The following DNAH11 variants were observed in gnomAD, a reference collection of about 807,000 sequenced individuals.
DNAH11 encodes dynein axonemal heavy chain 11, also known as axonemal beta dynein heavy chain 11.
Under a neutral mutation model 526.0 loss-of-function variants are expected in DNAH11, and 442 were observed. The observed-to-expected ratio is 0.84, with a 90% confidence interval of 0.78 to 0.91. The LOEUF (loss-of-function observed/expected upper bound fraction) is 0.91. Among genes scored for constraint, DNAH11 ranks in the 40% least tolerant of loss-of-function variants. DNAH11 has a pLI of 0.00. For missense variants in DNAH11, 6,989 were observed against 5,448.7 expected (o/e 1.28, Z -8.90); for synonymous variants, 2,461 against 1,935.9 (o/e 1.27, Z -7.12).
At chr7:21,546,536 A>G (rs1459654281) in intron 2 of DNAH11, among the ~76,000 whole-genome samples, 1 of 152,194 alleles carries the variant, frequency 6.6e-6, no homozygotes, top group Non-Finnish European at 1.5e-5. Context: ...CAGAAGATAC[A>G]AGCCTTTTTC....
intron 55 of DNAH11, among the ~76,000 whole-genome samples, chr7:21,765,885 A>G (rs947141483): frequency 1.3e-5 from 2 of 152,200 alleles, no homozygotes; most frequent in African/African-American, 4.8e-5. Context: ...ACTCACTGGA[A>G]GCCCAGGATC....
chr7:21,722,706 C>T (rs939607461), intron 44 of DNAH11, among the ~76,000 whole-genome samples: 2 of 152,104 alleles, frequency 1.3e-5, no homozygotes, highest in Non-Finnish European at 2.9e-5. Context: ...GTCAAGTGTT[C>T]GTGTCAGGGA....
At chr7:21,678,095 T>C (rs1416710849) in intron 30 of DNAH11, among the ~76,000 whole-genome samples, 1 of 152,124 alleles carries the variant, frequency 6.6e-6, no homozygotes, top group African/African-American at 2.4e-5. Flanking sequence ...CTTGTTTATT[T>C]TTTATTTTGT....
rs1787130758 is a variant in DNAH11 at position 21,765,410 on chromosome 7, GC to G, written c.8941-13del. The G allele has an allele frequency of 1.2e-6, 2 of 1,613,282 alleles. No homozygotes were observed. The highest frequency in any genetic ancestry group is 1.7e-6 in the Non-Finnish European group (2 of 1,179,522). On this transcript the variant is annotated splice_polypyrimidine_tract_variant and intron_variant, in intron 54 of 81. Transcript: ENST00000409508. ...TTCATCACCCGCCTGTTTCTGCCTT[GC>G]CCCCATGTCTCCACAGATCATTTTG...
intron 3 of DNAH11, 39 bp from the exon 4 acceptor site, chr7:21,559,564 A>G (rs746865163): frequency 1.0e-5 from 15 of 1,473,494 alleles, no homozygotes; most frequent in East Asian, 4.8e-5. Context: ...GGATAAAATG[A>G]TTCATCTTTG....
At chr7:21,842,461 A>AAG in intron 65 of DNAH11, 83 bp from the exon 66 acceptor site, 1 of 1,176,232 alleles carries the variant, frequency 8.5e-7, no homozygotes. Context: ...GGTCCATTAT[A>AAG]AGAATACAGG....
At position 21,901,341 on chromosome 7, in the gene DNAH11, T is replaced by TG; in HGVS notation, c.*87_*88insG. 1.4e-6 allele frequency: 2 copies of TG among 1,412,424 alleles called. No individual in the cohort carries two copies. Among genetic ancestry groups the TG allele is most frequent in the South Asian group, 1.9e-5 (1 of 52,288 alleles). The allele number at this position is 1,412,424 out of a possible 1,614,324, so 87.5% of individuals were successfully genotyped here. On this transcript the variant is annotated 3_prime_UTR_variant, in exon 82 of 82. Coordinates refer to ENST00000409508, the MANE Select transcript of DNAH11 (RefSeq NM_001277115.2). ...TGCACTGTTCCCATGCACATTATTC[T>TG]AACTTTTTAGTAACTCACACGTGCA...
chr7:21,881,259 A>G (rs1783914740), intron 75 of DNAH11, among the ~76,000 whole-genome samples: 1 of 152,208 alleles, frequency 6.6e-6, no homozygotes, highest in East Asian at 1.9e-4. Context: ...GACAGTTCAT[A>G]ACACTGCATT....
intron 44 of DNAH11, among the ~76,000 whole-genome samples, chr7:21,724,381 C>A (rs1287123812): frequency 6.6e-6 from 1 of 152,232 alleles, no homozygotes; most frequent in Non-Finnish European, 1.5e-5. Flanking sequence ...AAACACCGAT[C>A]ACCTCCTTCT....
chr7:21,551,706 C>T (rs1227739210), intron 2 of DNAH11, among the ~76,000 whole-genome samples: 1 of 152,202 alleles, frequency 6.6e-6, no homozygotes. Flanking sequence ...CACAAATAGC[C>T]TTATCCCATC....
At chr7:21,835,243 A>G (rs760215343) in intron 65 of DNAH11, among the ~76,000 whole-genome samples, 3 of 94,504 alleles carry the variant, frequency 3.2e-5, no homozygotes. Flanking sequence ...AAAAAAAAAC[A>G]GAGGGAGTTC....
At chr7:21,827,989 C>G (rs146677088) in intron 65 of DNAH11, among the ~76,000 whole-genome samples, 1 of 151,524 alleles carries the variant, frequency 6.6e-6, no homozygotes, top group Non-Finnish European at 1.5e-5. Flanking sequence ...TGCTCTGTCG[C>G]CCAGGCTGGA....
chr7:21,584,925 T>G (rs1344458706), intron 9 of DNAH11, among the ~76,000 whole-genome samples: 1 of 148,224 alleles, frequency 6.7e-6, no homozygotes, highest in African/African-American at 2.7e-5. Flanking sequence ...GAACTAGTTT[T>G]CTTTCTTGCT....
At chr7:21,843,482 GT>G (rs569307380) in intron 66 of DNAH11, among the ~76,000 whole-genome samples, 12,254 of 130,678 alleles carry the variant, frequency 0.094, 1,353 homozygotes, top group African/African-American at 0.33. Context: ...GGTTTTTTTT[GT>G]TTTTTTTTTT....
chr7:21,877,154 G>A lies in DNAH11; in HGVS notation c.12196-3548G>A, dbSNP rs138471957. On this transcript the variant is annotated intron_variant, in intron 74 of 81. Transcript: ENST00000409508. The stretch of plus-strand genomic sequence containing the variant: ...TGTTGCCTGGGTGTCCCTCACAGTG[G>A]AGTAAAATACCCAAGAGGTTTAGAC... Among the ~76,000 whole-genome samples the A allele has an allele frequency of 4.7e-3, 709 of 152,310 alleles. 3 individuals are homozygous for A. Among genetic ancestry groups the A allele is most frequent in the Admixed American group, 9.2e-3 (141 of 15,302 alleles).
intron 30 of DNAH11, among the ~76,000 whole-genome samples, chr7:21,671,914 G>A (rs886780766): frequency 1.3e-4 from 20 of 152,076 alleles, no homozygotes; most frequent in Non-Finnish European, 2.6e-4. Context: ...TCTGACATTC[G>A]TTGCTCAATA....
intron 61 of DNAH11, among the ~76,000 whole-genome samples, chr7:21,800,191 C>A (rs757780118): frequency 9.2e-5 from 14 of 152,320 alleles, no homozygotes; most frequent in South Asian, 2.1e-4. Flanking sequence ...TTCTCTCTTT[C>A]TCCACAATGG....
At chr7:21,900,696 C>G (rs1487656892) in intron 81 of DNAH11, among the ~76,000 whole-genome samples, 1 of 152,094 alleles carries the variant, frequency 6.6e-6, no homozygotes, top group Admixed American at 6.5e-5. Flanking sequence ...ATGTGGTGAA[C>G]TGGAGATTTT....
intron 65 of DNAH11, among the ~76,000 whole-genome samples, chr7:21,829,979 G>C (rs1249657182): frequency 6.6e-6 from 1 of 152,170 alleles, no homozygotes; most frequent in Non-Finnish European, 1.5e-5. Context: ...CAACAGTAAC[G>C]ACTTTCCGTG....
Sources: gnomAD v4.1 joint callset for allele counts (sites outside exome capture counted in the v4.1 genomes callset) on GRCh38, gnomAD v4.1.1 for gene constraint, MANE v1.5 for transcripts, NCBI Gene and HGNC (gene_info 2026-07-23, HGNC 2026-07-21) for gene names.